Variants in POTEC observed in about 807,000 individuals in gnomAD.
The protein encoded by POTEC is POTE ankyrin domain family member C, also known as ANKRD26-like family B member 2.
Under a neutral mutation model 62.0 loss-of-function variants are expected in POTEC, and 35 were observed. The ratio of observed to expected loss-of-function variants is 0.56; its 90% CI spans 0.43 to 0.75. The LOEUF (loss-of-function observed/expected upper bound fraction) is 0.75. POTEC is among the 30% of genes least tolerant of loss of function. The pLI, the probability that POTEC is intolerant of heterozygous loss-of-function variation, is 0.00. For synonymous variants in POTEC, 156 were observed against 221.5 expected (o/e 0.70, Z 2.62); for missense variants, 472 against 655.9 (o/e 0.72, Z 3.06).
intron 4 of POTEC, 23 bp downstream of exon 4, chr18:14,534,878 C>A (rs1435945726): frequency 1.3e-6 from 2 of 1,532,850 alleles, no homozygotes. Context: ...GAACAACACA[C>A]AGATTAAAAG....
rs1391579309 is a variant in POTEC at position 14,510,874 on chromosome 18, A to C, written c.*1024T>G. 6.6e-6 allele frequency: 1 copy of C among 152,158 alleles called. No individual in the cohort carries two copies. The highest frequency in any genetic ancestry group is 1.5e-5 in the Non-Finnish European group (1 of 68,074). 9.4% of individuals were successfully genotyped at this position (152,158 alleles called of 1,614,324 possible). On this transcript the variant is annotated 3_prime_UTR_variant, in exon 11 of 11. Transcript: ENST00000358970. The stretch of plus-strand genomic sequence containing the variant: ...TGGCTGAGTCATCCAAACAGCAAAG[A>C]TGACAGTCTGGTCCTCCCCCTGGGA...
At chr18:14,540,681 C>G (rs1905901687) in intron 1 of POTEC, among the ~76,000 whole-genome samples, 1 of 152,092 alleles carries the variant, frequency 6.6e-6, no homozygotes, top group African/African-American at 2.4e-5. Flanking sequence ...ACAGCTGTGT[C>G]TGTTTCATAT....
intron 4 of POTEC, among the ~76,000 whole-genome samples, chr18:14,534,588 T>C (rs914447925): frequency 4.0e-5 from 6 of 151,790 alleles, no homozygotes; most frequent in African/African-American, 1.5e-4. Flanking sequence ...TACTGAGTCA[T>C]AAAGTAAACT....
chr18:14,518,785 G>T (rs967876383), intron 9 of POTEC, among the ~76,000 whole-genome samples: 4 of 147,640 alleles, frequency 2.7e-5, no homozygotes, highest in African/African-American at 1.0e-4. Context: ...AATCACAGAG[G>T]TGTGCCTGGC....
chr18:14,512,519 C>T (rs184074743), intron 10 of POTEC, among the ~76,000 whole-genome samples: 70 of 152,234 alleles, frequency 4.6e-4, no homozygotes, highest in African/African-American at 1.5e-3. Flanking sequence ...AGCATTGTAC[C>T]CTTCTACAAT....
At chr18:14,513,037 G>C (rs1224902602) in intron 10 of POTEC, among the ~76,000 whole-genome samples, 2 of 152,190 alleles carry the variant, frequency 1.3e-5, no homozygotes, top group Non-Finnish European at 2.9e-5. Context: ...ATAGTAGTAA[G>C]TGTGAAATAG....
chr18:14,516,749 G>T (rs1446027654), intron 9 of POTEC, among the ~76,000 whole-genome samples: 1 of 151,136 alleles, frequency 6.6e-6, no homozygotes, highest in Non-Finnish European at 1.5e-5. Context: ...TAATGATTTT[G>T]TTTGAAAATA....
intron 10 of POTEC, 135 bp downstream of exon 10, chr18:14,513,527 T>G (rs9962494): frequency 0.18 from 240,039 of 1,331,728 alleles, 23,319 homozygotes; most frequent in East Asian, 0.43. Flanking sequence ...GGGTGTGTGT[T>G]TACATATATA....
chr18:14,538,512 C>A (rs1458356697), intron 1 of POTEC, among the ~76,000 whole-genome samples: 1 of 152,056 alleles, frequency 6.6e-6, no homozygotes, highest in African/African-American at 2.4e-5. Context: ...CGCTTCCTAG[C>A]TGTTGCTTAG....
intron 6 of POTEC, among the ~76,000 whole-genome samples, chr18:14,528,446 T>C (rs554588869): frequency 1.3e-5 from 2 of 152,306 alleles, no homozygotes; most frequent in African/African-American, 4.8e-5. Context: ...GGAATGAGCA[T>C]GTGGTGTGAC....
chr18:14,539,373 C>T (rs201861815), intron 1 of POTEC, among the ~76,000 whole-genome samples: 1,752 of 111,368 alleles, frequency 0.016, no homozygotes, highest in South Asian at 0.028. Flanking sequence ...ATTTCATTAC[C>T]CAGGTGTTAA....
intron 1 of POTEC, among the ~76,000 whole-genome samples, chr18:14,541,175 CA>C (rs1273636297): frequency 6.6e-6 from 1 of 152,144 alleles, no homozygotes; most frequent in Non-Finnish European, 1.5e-5. Context: ...AGGCATGAGC[CA>C]CCATGGCTGG....
At chr18:14,538,056 T>C (rs886663993) in intron 2 of POTEC, 79 bp downstream of exon 2, 1 of 1,554,168 alleles carries the variant, frequency 6.4e-7, no homozygotes, top group Non-Finnish European at 8.6e-7. Context: ...ACTAGTTATA[T>C]TTAAATGAGA....
chr18:14,530,405 T>C, intron 6 of POTEC, 78 bp downstream of exon 6: 1 of 1,592,650 alleles, frequency 6.3e-7, no homozygotes, highest in Non-Finnish European at 8.6e-7. Flanking sequence ...GGAAACACTG[T>C]CTTCCACAAA....
intron 6 of POTEC, among the ~76,000 whole-genome samples, chr18:14,526,730 G>C (rs1291026132): frequency 6.6e-6 from 1 of 152,130 alleles, no homozygotes; most frequent in South Asian, 2.1e-4. Flanking sequence ...CAGGGAAAAG[G>C]GCTAACGATG....
intron 5 of POTEC, among the ~76,000 whole-genome samples, chr18:14,531,320 G>A (rs1422362458): frequency 6.7e-6 from 1 of 149,914 alleles, no homozygotes; most frequent in Non-Finnish European, 1.5e-5. Context: ...CTGGCTTGGA[G>A]CAATGATCCT....
rs1906016646 is a variant in POTEC, at chr18:14,543,107, C to A, written c.40G>T (p.Val14Leu). 5.6e-6 allele frequency: 9 copies of A among 1,613,988 alleles called. No homozygotes were observed. The highest frequency in any genetic ancestry group is 1.7e-4 in the Middle Eastern group (1 of 6,056). ...CTCCTGAGATCGAATGGCTTCTTCA[C>A]AGCAGAGGCAGCGGGCATTGAACAA... ...EVCSMPAASAVKKPFDLRSKM... is the reference protein window; with the variant it reads ...EVCSMPAASALKKPFDLRSKM... Residue 14 changes from valine to leucine, a missense_variant, in exon 1 of 11, where the codon GTG (valine) becomes TTG (leucine). By Grantham distance (32) the Val-to-Leu change is conservative (BLOSUM62 1). Around this residue, in one of 5 missense-constraint regions of POTEC, gnomAD observed 257 missense variants for 250.7 expected, o/e 1.03. Coordinates refer to ENST00000358970, the MANE Select transcript of POTEC (RefSeq NM_001137671.2).
chr18:14,526,757 T>C (rs1463943843), intron 6 of POTEC, among the ~76,000 whole-genome samples: 1 of 152,080 alleles, frequency 6.6e-6, no homozygotes, highest in African/African-American at 2.4e-5. Context: ...AGGGCAGAAG[T>C]CAGATTATGA....
At position 14,510,624 on chromosome 18, in the gene POTEC, T is replaced by A. The variant is rs1909979056; in HGVS notation, c.*1274A>T. On this transcript the variant is annotated 3_prime_UTR_variant, in exon 11 of 11. Coordinates refer to ENST00000358970, the MANE Select transcript of POTEC (RefSeq NM_001137671.2). The stretch of plus-strand genomic sequence containing the variant: ...GCAAAGACGATAGCCTGCCCTTCCC[T>A]CTGGGAGCTCTGTACCTCTGAGGTA... The A allele has an allele frequency of 6.6e-6, 1 of 152,280 alleles. No homozygotes were observed. The highest frequency in any genetic ancestry group is 6.5e-5 in the Admixed American group (1 of 15,276). 9.4% of individuals were successfully genotyped at this position (152,280 alleles called of 1,614,324 possible). A position where few individuals can be genotyped will look rare whatever the true frequency, so the allele number is the denominator to read the frequency against.
Sources: allele counts gnomAD v4.1 joint callset (sites outside exome capture counted in the v4.1 genomes callset), GRCh38; gene constraint gnomAD v4.1.1; regional missense constraint gnomAD v4.1.1; transcripts MANE v1.5; gene names NCBI Gene and HGNC (gene_info 2026-07-23, HGNC 2026-07-21).